The following PCDHGA6 variants were observed in gnomAD, a reference collection of about 807,000 sequenced individuals.
The protein encoded by PCDHGA6 is protocadherin gamma subfamily A, 6.
Under a neutral mutation model 60.6 loss-of-function variants are expected in PCDHGA6, and 41 were observed. That is an observed-to-expected ratio of 0.68 (90% CI 0.53 to 0.88). The LOEUF is 0.88. PCDHGA6 is among the 40% of genes least tolerant of loss of function. The pLI, the probability that PCDHGA6 is intolerant of heterozygous loss-of-function variation, is 0.00. For missense variants in PCDHGA6, 1,312 were observed against 1,203.0 expected (o/e 1.09, Z -1.34); for synonymous variants, 594 against 524.4 (o/e 1.13, Z -1.81).
At chr5:141,419,753 T>C (rs764151937) in intron 1 of PCDHGA6, 10 of 1,613,856 alleles carry the variant, frequency 6.2e-6, no homozygotes, top group South Asian at 2.2e-5. Context: ...GGTGCGTGCT[T>C]TGGGTGACAA....
rs758673205 is a variant in PCDHGA6, at chr5:141,376,309, CGT to C, written c.2228_2229del (p.Val743GlyfsTer22). The C allele has an allele frequency of 7.2e-5, 117 of 1,614,148 alleles. No homozygotes were observed. The South Asian group carries it at 1.3e-3, about 17-fold the overall frequency. ...GCATGCCCGGCTCGCACTTTGTGGG[CGT>C]GGAAGGGGTTCGGGCTTTCCTGCAG... Reference protein sequence around the residue: ...ASMPGSHFVGVEGVRAFLQTY... With the variant: ...ASMPGSHFVGXEGVRAFLQTY... On this transcript the variant is annotated frameshift_variant, in exon 1 of 4. Coordinates refer to ENST00000517434, the MANE Select transcript of PCDHGA6 (RefSeq NM_018919.3). LOFTEE classifies it high-confidence loss of function.
At chr5:141,393,154 G>GA in intron 1 of PCDHGA6, 1 of 1,613,294 alleles carries the variant, frequency 6.2e-7, no homozygotes, top group Non-Finnish European at 8.5e-7. Flanking sequence ...GAGGATAAAG[G>GA]AAAACTCTTT....
intron 1 of PCDHGA6, chr5:141,414,866 C>T: frequency 6.2e-7 from 1 of 1,614,230 alleles, no homozygotes; most frequent in Non-Finnish European, 8.5e-7. Flanking sequence ...GACAATGCGC[C>T]CGAGATCCTG....
chr5:141,447,058 G>A (rs1356080567), intron 1 of PCDHGA6, among the ~76,000 whole-genome samples: 1 of 152,068 alleles, frequency 6.6e-6, no homozygotes, highest in Non-Finnish European at 1.5e-5. Flanking sequence ...ATTAAAATGT[G>A]TCAGGCTGTT....
Position 141,410,620 on chromosome 5 carries a change from G to A in PCDHGA6, c.2424+34113G>A, listed in dbSNP as rs765125633. 4 of 1,603,524 alleles carry A rather than the reference G, an allele frequency of 2.5e-6. No homozygotes were observed. In the South Asian group the frequency reaches 3.3e-5, roughly 13 times the overall value. On this transcript the variant is annotated intron_variant, in intron 1 of 3. Coordinates refer to ENST00000517434, the MANE Select transcript of PCDHGA6 (RefSeq NM_018919.3). The stretch of plus-strand genomic sequence containing the variant: ...CTTCACATCCTGAGACTCTGACTTC[G>A]GTGAGTTTCTCTTTTTTGTGTGTGA...
chr5:141,409,178 G>C, intron 1 of PCDHGA6: 1 of 1,613,994 alleles, frequency 6.2e-7, no homozygotes, highest in Non-Finnish European at 8.5e-7. Context: ...GGACGGAGGT[G>C]GTCTCTCTAC....
At position 141,489,774 on chromosome 5, in the gene PCDHGA6, C is replaced by T; in HGVS notation, c.2425-5033C>T. The T allele has an allele frequency of 1.2e-6, 2 of 1,614,164 alleles. No homozygotes were observed. Among genetic ancestry groups the T allele is most frequent in the Non-Finnish European group, 8.5e-7 (1 of 1,179,998 alleles). On this transcript the variant is annotated intron_variant, in intron 1 of 3. Transcript: ENST00000517434. The surrounding 1 kb of genome is among the most constrained non-coding windows in gnomAD (Gnocchi z 4.5). The stretch of plus-strand genomic sequence containing the variant: ...ACACTCTAAGCCCCAACAGCCACTT[C>T]TCTCTGAATGTGAAGACCCTAAAAG...
chr5:141,404,240 C>T, intron 1 of PCDHGA6: 1 of 1,613,660 alleles, frequency 6.2e-7, no homozygotes, highest in East Asian at 2.2e-5. Context: ...CAGAGGAACT[C>T]CGCCCCTGTC....
chr5:141,397,975 G>T, intron 1 of PCDHGA6: 4 of 1,189,018 alleles, frequency 3.4e-6, no homozygotes, highest in Non-Finnish European at 4.6e-6. Flanking sequence ...CCCCAGCGCC[G>T]GCCTTTACAC....
intron 3 of PCDHGA6, among the ~76,000 whole-genome samples, chr5:141,510,533 C>A (rs1366903068): frequency 6.6e-6 from 1 of 152,118 alleles, no homozygotes; most frequent in Non-Finnish European, 1.5e-5. Flanking sequence ...GAGAGAAATA[C>A]CAGCGAATGT....
chr5:141,422,158 G>GA (rs1401712595), intron 1 of PCDHGA6: 2 of 1,571,916 alleles, frequency 1.3e-6, no homozygotes, highest in Middle Eastern at 1.7e-4. Flanking sequence ...TCTGGATTTT[G>GA]AAAAATATAG....
chr5:141,383,931 T>C lies in PCDHGA6; in HGVS notation c.2424+7424T>C, dbSNP rs1017184990. ...CAGTTTTAGATGTAAATGATAATGC[T>C]CCAGAAGTGACTATGACGTCTTTAA... On this transcript the variant is annotated intron_variant, in intron 1 of 3. Transcript: ENST00000517434. 2.5e-6 allele frequency: 4 copies of C among 1,613,818 alleles called. No homozygotes were observed. In the South Asian group the frequency reaches 4.4e-5, roughly 18 times the overall value.
At chr5:141,468,415 G>A (rs1040067190) in intron 1 of PCDHGA6, 5 of 151,704 alleles carry the variant, frequency 3.3e-5, no homozygotes, top group Non-Finnish European at 7.4e-5. Context: ...TAATAAGTTA[G>A]ATAGCAAGGT....
At position 141,487,991 on chromosome 5, in the gene PCDHGA6, G is replaced by C. The variant is rs932744807; in HGVS notation, c.2425-6816G>C. ...GCTGTTTTCTCTACTCTTCCTGAAA[G>C]AGGGGATCAGATTCTGAAGTACCTT... On this transcript the variant is annotated intron_variant, in intron 1 of 3. Coordinates refer to ENST00000517434, the MANE Select transcript of PCDHGA6 (RefSeq NM_018919.3). The surrounding 1 kb of genome is among the most constrained non-coding windows in gnomAD (Gnocchi z 5.0). 2.6e-5 allele frequency among the ~76,000 whole-genome samples: 4 copies of C among 152,194 alleles called. No homozygotes were observed. The highest frequency in any genetic ancestry group is 4.4e-5 in the Non-Finnish European group (3 of 68,030).
rs11575953 is a variant in PCDHGA6, at chr5:141,374,825, C to A, written c.742C>A (p.Arg248Ser). Residue 248 changes from arginine to serine, a missense_variant, in exon 1 of 4, where the codon CGT (arginine) becomes AGT (serine). By Grantham distance (110) the Arg-to-Ser change is moderately radical (BLOSUM62 -1). Coordinates refer to ENST00000517434, the MANE Select transcript of PCDHGA6 (RefSeq NM_018919.3). ...NTPMFTQPVY[R>S]VSVPENLPVG... ...TCCAATGTTTACTCAGCCTGTCTAC[C>A]GTGTAAGTGTTCCTGAAAACCTGCC... 0.017 allele frequency: 27,610 copies of A among 1,613,884 alleles called. 291 individuals carry two copies. Among genetic ancestry groups the A allele is most frequent in the African/African-American group, 0.03 (2,225 of 75,054 alleles).
Position 141,511,065 on chromosome 5 carries a change from C to T in PCDHGA6, c.2691C>T (p.Ile897=). Residue 897 remains isoleucine, a synonymous_variant, in exon 4 of 4, where the codon ATC becomes ATT. Transcript: ENST00000517434. ...HVPDYRQNVY[I]PGSNATLTNA... ...CCGACTACCGCCAGAATGTCTACATCCCAGGCAGCAATGCCACACTGACCA... is the reference window on the plus strand; with the variant it reads ...CCGACTACCGCCAGAATGTCTACATTCCAGGCAGCAATGCCACACTGACCA... The T allele has an allele frequency of 6.2e-7, 1 of 1,614,222 alleles. No individual in the cohort carries two copies. Among genetic ancestry groups the T allele is most frequent in the Middle Eastern group, 1.6e-4 (1 of 6,062 alleles).
intron 1 of PCDHGA6, chr5:141,415,098 G>T (rs578221269): frequency 1.9e-5 from 31 of 1,613,588 alleles, no homozygotes; most frequent in African/African-American, 1.7e-4. Flanking sequence ...ACAGAGACGC[G>T]CTCAAGCAAA....
chr5:141,462,999 C>T (rs1360054048), intron 1 of PCDHGA6, among the ~76,000 whole-genome samples: 1 of 152,068 alleles, frequency 6.6e-6, no homozygotes, highest in Non-Finnish European at 1.5e-5. Flanking sequence ...TAATTTAGAC[C>T]TACCACTTAA....
intron 1 of PCDHGA6, among the ~76,000 whole-genome samples, chr5:141,401,180 A>G (rs1006390606): frequency 2.6e-5 from 4 of 152,196 alleles, no homozygotes; most frequent in Non-Finnish European, 5.9e-5. Context: ...CGTCTCTACT[A>G]AAAATACAAA....
Sources: gnomAD v4.1 joint callset for allele counts (sites outside exome capture counted in the v4.1 genomes callset) on GRCh38, gnomAD v4.1.1 for gene constraint, Gnocchi (gnomAD v3.1) non-coding constraint, MANE v1.5 for transcripts, NCBI Gene and HGNC (gene_info 2026-07-23, HGNC 2026-07-21) for gene names.